IFFO1: variants seen among roughly 807,000 people sequenced by gnomAD.
IFFO1 encodes the protein non-homologous end joining factor IFFO1.
Under a neutral mutation model 59.6 loss-of-function variants are expected in IFFO1, and 42 were observed. The ratio of observed to expected loss-of-function variants is 0.70; its 90% CI spans 0.55 to 0.91. The LOEUF is 0.91. Ranked by LOEUF, IFFO1 falls within the 40% of genes least tolerant of loss-of-function variation. The pLI, the probability that IFFO1 is intolerant of heterozygous loss-of-function variation, is 0.00. For missense variants in IFFO1, 711 were observed against 793.2 expected (o/e 0.90, Z 1.24); for synonymous variants, 336 against 342.8 (o/e 0.98, Z 0.22).
rs887381933 is a variant in IFFO1, at chr12:6,549,944, A to G, written c.931-48T>C. 1.6e-5 allele frequency: 25 copies of G among 1,582,512 alleles called. No individual in the cohort carries two copies. The highest frequency in any genetic ancestry group is 1.9e-5 in the Non-Finnish European group (22 of 1,161,412). ...AGTGAGGAGGCGCCCAGTTCTCCAG[A>G]CAAGGACGAATTAGGCCTGGCAAGG... is the stretch of plus-strand genomic sequence containing the variant. On this transcript the variant is annotated intron_variant, in intron 3 of 9. Coordinates refer to ENST00000619571, the MANE Select transcript of IFFO1 (RefSeq NM_001193457.2). The surrounding 1 kb of genome is among the most constrained non-coding windows in gnomAD (Gnocchi z 5.0).
At position 6,540,537 on chromosome 12, in the gene IFFO1, T is replaced by TGGCGGC. The variant is rs746256367; in HGVS notation, c.1656_1661dup (p.Pro553_Pro554dup). 44 of 1,613,590 alleles carry TGGCGGC rather than the reference T, an allele frequency of 2.7e-5. No individual in the cohort carries two copies. The South Asian group carries it at 4.6e-4, about 17-fold the overall frequency. On this transcript the variant is annotated inframe_insertion, in exon 10 of 10. Transcript: ENST00000619571. Reference sequence around the variant, plus strand: ...CGCGATCGGAGTCCTCAGCCTCGCTTGGCGGCGGCGGCGGGTCGCTAAGCG... The same window carrying TGGCGGC: ...CGCGATCGGAGTCCTCAGCCTCGCTTGGCGGCGGCGGCGGCGGCGGGTCGCTAAGCG...
chr12:6,554,310 G>A, intron 1 of IFFO1, among the ~76,000 whole-genome samples: 1 of 152,202 alleles, frequency 6.6e-6, no homozygotes, highest in East Asian at 1.9e-4. Context: ...ACCAAAGCCT[G>A]TCAGTCACCC....
chr12:6,542,999 C>G (rs1346140336), intron 8 of IFFO1, among the ~76,000 whole-genome samples: 3 of 152,188 alleles, frequency 2.0e-5, no homozygotes, highest in Admixed American at 2.0e-4. Context: ...GGAACAAGGT[C>G]AGGAGGTGAA....
Position 6,555,911 on chromosome 12 carries a change from G to GAGA in IFFO1, c.118_119insTCT (p.Pro40delinsLeuSer). On this transcript the variant is annotated protein_altering_variant, in exon 1 of 10. Coordinates refer to ENST00000619571, the MANE Select transcript of IFFO1 (RefSeq NM_001193457.2). The surrounding 1 kb of genome is among the most constrained non-coding windows in gnomAD (Gnocchi z 8.6). ...AGGGCCGGCCGGCGAGAGAGGCGCCGGGGGCAAGTCTCCTCCCCCGGCGAA... is the reference window on the plus strand; with the variant it reads ...AGGGCCGGCCGGCGAGAGAGGCGCCGAGAGGGGCAAGTCTCCTCCCCCGGCGAA... 1 of 1,552,482 alleles carries GAGA rather than the reference G, an allele frequency of 6.4e-7. No homozygotes were observed. Among genetic ancestry groups the GAGA allele is most frequent in the Admixed American group, 2.0e-5 (1 of 50,388 alleles).
In IFFO1 at chr12:6,540,423, C is replaced by T. The variant is rs1946646660; in HGVS notation, c.*60G>A. 2 of 1,356,484 alleles carry T rather than the reference C, an allele frequency of 1.5e-6. No homozygotes were observed. Among genetic ancestry groups the T allele is most frequent in the Non-Finnish European group, 2.1e-6 (2 of 945,906 alleles). 84.0% of individuals were successfully genotyped at this position (1,356,484 alleles called of 1,614,324 possible). On this transcript the variant is annotated 3_prime_UTR_variant, in exon 10 of 10. Coordinates refer to ENST00000619571, the MANE Select transcript of IFFO1 (RefSeq NM_001193457.2). ...TGATGTTCCCCTCTGTGCAGCCCCA[C>T]CCTCTGCCTCGCTGAGCTCCCTGCT...
chr12:6,551,785 T>C, intron 1 of IFFO1: 1 of 319,828 alleles, frequency 3.1e-6, no homozygotes, highest in Non-Finnish European at 6.2e-6. Context: ...CACAGCCTGT[T>C]CCAGGGCCCA....
Position 6,550,737 on chromosome 12 carries a change from C to A in IFFO1, c.888G>T (p.Gln296His). The A allele has an allele frequency of 6.2e-7, 1 of 1,614,218 alleles. No homozygotes were observed. Among genetic ancestry groups the A allele is most frequent in the Non-Finnish European group, 8.5e-7 (1 of 1,180,024 alleles). The change falls in exon 3 of 10, where the codon CAG (glutamine) becomes CAT (histidine). Residue 296 changes from glutamine to histidine, a missense_variant. Gln to His is a conservative substitution (Grantham distance 24). Transcript: ENST00000619571. The part of the protein sequence containing the change: ...CQEELALKVE[Q>H]LKAELVVFKG... ...TGAAGACCACCAGCTCAGCCTTCAA[C>A]TGTTCCACCTTCAGTGCCAGCTCCT...
chr12:6,541,781 T>A lies in IFFO1; in HGVS notation c.1480-139A>T. ...CAGCCATTACTGAAGGCTCAGATTT[T>A]AAAATAAACCAGACCAAGGCAGAAG... is the stretch of plus-strand genomic sequence containing the variant. On this transcript the variant is annotated intron_variant, in intron 8 of 9. Transcript: ENST00000619571. This position sits in a 1 kb window ranked among gnomAD's most constrained non-coding sequence, Gnocchi z 4.8. 1.0e-6 allele frequency: 1 copy of A among 993,410 alleles called. No individual in the cohort carries two copies. Among genetic ancestry groups the A allele is most frequent in the Non-Finnish European group, 1.5e-6 (1 of 665,952 alleles). The allele number at this position is 993,410 out of a possible 1,614,324, so 61.5% of individuals were successfully genotyped here.
In IFFO1 at chr12:6,548,901, G is replaced by T; in HGVS notation, c.1081-52C>A. On this transcript the variant is annotated intron_variant, in intron 5 of 9. Coordinates refer to ENST00000619571, the MANE Select transcript of IFFO1 (RefSeq NM_001193457.2). The surrounding 1 kb of genome is among the most constrained non-coding windows in gnomAD (Gnocchi z 6.1). ...GGAGAAAGGGCGGGAGCGGGAGGCC[G>T]GGCAGAGAGGGTGGGAATGGGGGAG... The T allele has an allele frequency of 6.7e-7, 1 of 1,493,352 alleles. No individual in the cohort carries two copies. Among genetic ancestry groups the T allele is most frequent in the Non-Finnish European group, 9.1e-7 (1 of 1,097,268 alleles). 92.5% of individuals were successfully genotyped at this position (1,493,352 alleles called of 1,614,324 possible). A position where few individuals can be genotyped will look rare whatever the true frequency, so the allele number is the denominator to read the frequency against.
chr12:6,553,991 T>C (rs1175218676), intron 1 of IFFO1, among the ~76,000 whole-genome samples: 1 of 152,104 alleles, frequency 6.6e-6, no homozygotes, highest in East Asian at 1.9e-4. Flanking sequence ...TTACTTTGCA[T>C]TTACTTCTAA....
In IFFO1 at chr12:6,539,859, G is replaced by T. The variant is rs989471338; in HGVS notation, c.*624C>A. On this transcript the variant is annotated 3_prime_UTR_variant, in exon 10 of 10. Transcript: ENST00000619571. ...CACTGTGCCCATCCCGGGCACTAAGGCCTCTTTAAAGCACGGCACCTCCAC... is the reference window on the plus strand; with the variant it reads ...CACTGTGCCCATCCCGGGCACTAAGTCCTCTTTAAAGCACGGCACCTCCAC... 6.4e-6 allele frequency: 1 copy of T among 155,216 alleles called. No individual in the cohort carries two copies. The allele number at this position is 155,216 out of a possible 1,614,324, so 9.6% of individuals were successfully genotyped here. A position where few individuals can be genotyped will look rare whatever the true frequency, so the allele number is the denominator to read the frequency against.
downstream of IFFO1, chr12:6,538,968 A>AGTT (rs1328412029): frequency 6.6e-6 from 1 of 152,214 alleles, no homozygotes; most frequent in African/African-American, 2.4e-5. Context: ...CACCTCGCAT[A>AGTT]GTTTTGAGGA....
intron 8 of IFFO1, among the ~76,000 whole-genome samples, chr12:6,547,408 G>A (rs1399791439): frequency 6.6e-6 from 1 of 151,854 alleles, no homozygotes; most frequent in Non-Finnish European, 1.5e-5. Flanking sequence ...AAGAAAGAAA[G>A]AAAGAAAGAA....
intron 2 of IFFO1, 63 bp from the exon 3 acceptor site, chr12:6,550,853 CAA>C (rs1592220005): frequency 6.2e-7 from 1 of 1,602,320 alleles, no homozygotes; most frequent in East Asian, 2.2e-5. Flanking sequence ...ATAAAGATGC[CAA>C]GGAGGGACAG....
At chr12:6,544,727 G>A (rs1001839706) in intron 8 of IFFO1, 8 of 152,230 alleles carry the variant, frequency 5.3e-5, no homozygotes, top group African/African-American at 1.9e-4. Context: ...GCGGTAGACG[G>A]GAGGGTGGGG....
Position 6,549,201 on chromosome 12 carries a change from A to C in IFFO1, c.1080+275T>G, listed in dbSNP as rs1299595479. ...TTAAATGACTCAACTAAAAAAAAAA[A>C]AGCTTTAGGACGCAAGGAGGATGAG... On this transcript the variant is annotated intron_variant, in intron 5 of 9. Coordinates refer to ENST00000619571, the MANE Select transcript of IFFO1 (RefSeq NM_001193457.2). The surrounding 1 kb of genome is among the most constrained non-coding windows in gnomAD (Gnocchi z 5.0). 9.6e-6 allele frequency: 5 copies of C among 523,480 alleles called. No homozygotes were observed. Among genetic ancestry groups the C allele is most frequent in the Non-Finnish European group, 1.3e-5 (4 of 297,998 alleles). The allele number at this position is 523,480 out of a possible 1,614,324, so 32.4% of individuals were successfully genotyped here.
Position 6,555,293 on chromosome 12 carries a change from G to A in IFFO1, c.737C>T (p.Ala246Val), listed in dbSNP as rs1161740216. Residue 246 changes from alanine to valine, a missense_variant, in exon 1 of 10, where the codon GCC becomes GTC. By Grantham distance (64) the Ala-to-Val change is moderately conservative. This residue lies in a region of IFFO1 where 579 missense variants were observed against 650.3 expected (regional missense o/e 0.89). Coordinates refer to ENST00000619571, the MANE Select transcript of IFFO1 (RefSeq NM_001193457.2). This position sits in a 1 kb window ranked among gnomAD's most constrained non-coding sequence, Gnocchi z 8.6. ...PEIRALYNVL[A>V]KVKRERDEYK... ...CTCGTCCCGCTCCCGCTTCACTTTG[G>A]CCAGCACGTTGTAGAGAGCGCGGAT... 3 of 1,613,940 alleles carry A rather than the reference G, an allele frequency of 1.9e-6. No homozygotes were observed. The highest frequency in any genetic ancestry group is 1.7e-6 in the Non-Finnish European group (2 of 1,180,010).
chr12:6,552,997 T>G (rs1408896140), intron 1 of IFFO1, among the ~76,000 whole-genome samples: 2 of 152,166 alleles, frequency 1.3e-5, no homozygotes, highest in African/African-American at 4.8e-5. Context: ...CATTCCTATG[T>G]TGGGAAAATG....
At chr12:6,540,638 G>A (rs758688280) in intron 9 of IFFO1, 50 bp from the exon 10 acceptor site, 39 of 1,475,424 alleles carry the variant, frequency 2.6e-5, no homozygotes, top group Non-Finnish European at 3.7e-5. Context: ...GAATCCTGAA[G>A]ACGGACGGCA....
Sources: gnomAD v4.1 joint callset for allele counts (sites outside exome capture counted in the v4.1 genomes callset) on GRCh38, gnomAD v4.1.1 for gene constraint, gnomAD v4.1.1 regional missense constraint, Gnocchi (gnomAD v3.1) non-coding constraint, MANE v1.5 for transcripts, NCBI Gene and HGNC (gene_info 2026-07-23, HGNC 2026-07-21) for gene names.